SYT6: variants seen among roughly 807,000 people sequenced by gnomAD.
SYT6 encodes synaptotagmin-6.
In SYT6, 24 loss-of-function variants were observed where a neutral mutation model predicts 38.4. That is an observed-to-expected ratio of 0.62 (90% CI 0.45 to 0.88). The LOEUF (loss-of-function observed/expected upper bound fraction) is 0.88, where lower values mean the gene tolerates loss of function less well. Among genes scored for constraint, SYT6 ranks in the 40% least tolerant of loss-of-function variants. The pLI is 0.00. For missense variants in SYT6, 611 were observed against 621.0 expected, an observed-to-expected ratio of 0.98 and a Z score of 0.17; for synonymous variants, 265 against 241.9, an observed-to-expected ratio of 1.10 and a Z score of -0.89.
Position 114,111,351 on chromosome 1 carries a change from G to A in SYT6, c.1072-7630C>T, listed in dbSNP as rs117747274. ...TTTTTACCTGGGGACACTGAAGTAC[G>A]GAGAGGTTATGCAAGTGGCCCAAGG... On this transcript the variant is annotated intron_variant, in intron 3 of 7. Transcript: ENST00000610222. Among the ~76,000 whole-genome samples the A allele has an allele frequency of 9.5e-4, 144 of 152,268 alleles. 2 individuals carry two copies. The East Asian group carries it at 0.017, about 18-fold the overall frequency.
chr1:114,125,882 T>A (rs972419602), intron 3 of SYT6, among the ~76,000 whole-genome samples: 3 of 152,144 alleles, frequency 2.0e-5, no homozygotes, highest in Non-Finnish European at 4.4e-5. Context: ...TCTTAGATCT[T>A]CCTTGCATGG....
At chr1:114,122,611 C>T (rs1466371565) in intron 3 of SYT6, among the ~76,000 whole-genome samples, 2 of 152,194 alleles carry the variant, frequency 1.3e-5, no homozygotes, top group Non-Finnish European at 2.9e-5. Context: ...TTCCCTATCT[C>T]TTGCAGGAGG....
At chr1:114,098,774 G>C (rs1180715661) in intron 5 of SYT6, among the ~76,000 whole-genome samples, 3 of 152,214 alleles carry the variant, frequency 2.0e-5, no homozygotes, top group African/African-American at 7.2e-5. Context: ...AGAGAGGATA[G>C]AGGGGCATTT....
chr1:114,113,288 A>G (rs1219855527), intron 3 of SYT6, among the ~76,000 whole-genome samples: 3 of 152,014 alleles, frequency 2.0e-5, no homozygotes, highest in Admixed American at 1.3e-4. Flanking sequence ...TGCCTTTTTC[A>G]GGTTTCCTGT....
intron 3 of SYT6, among the ~76,000 whole-genome samples, chr1:114,123,388 T>C (rs1677537517): frequency 1.3e-5 from 2 of 152,172 alleles, no homozygotes; most frequent in Non-Finnish European, 2.9e-5. Context: ...GGACTCACCC[T>C]GGGAAAGAGC....
chr1:114,104,346 T>C (rs1676149633), intron 3 of SYT6, among the ~76,000 whole-genome samples: 2 of 152,228 alleles, frequency 1.3e-5, no homozygotes, highest in African/African-American at 4.8e-5. Flanking sequence ...AATGTGGTCA[T>C]CCTTTAAAAA....
intron 5 of SYT6, among the ~76,000 whole-genome samples, chr1:114,098,526 C>T (rs1259582503): frequency 6.6e-6 from 1 of 152,044 alleles, no homozygotes; most frequent in Admixed American, 6.6e-5. Context: ...AGGGGAGATC[C>T]GATTGGATGG....
chr1:114,124,558 C>T (rs1677617094), intron 3 of SYT6, among the ~76,000 whole-genome samples: 1 of 152,224 alleles, frequency 6.6e-6, no homozygotes, highest in African/African-American at 2.4e-5. Flanking sequence ...TCCATCACAA[C>T]AGACCTTCAG....
chr1:114,118,995 G>T (rs1677183920), intron 3 of SYT6, among the ~76,000 whole-genome samples: 2 of 152,314 alleles, frequency 1.3e-5, no homozygotes, highest in African/African-American at 4.8e-5. Context: ...GTTCTGCAGG[G>T]CATCCAGCAA....
At chr1:114,099,362 G>T in intron 4 of SYT6, 97 bp from the exon 5 acceptor site, 1 of 1,277,930 alleles carries the variant, frequency 7.8e-7, no homozygotes, top group Non-Finnish European at 1.1e-6. Context: ...TAGACCTACT[G>T]CTGCTCATCA....
In SYT6 at chr1:114,153,751, C is replaced by G; in HGVS notation, c.22G>C (p.Gly8Arg). The G allele has an allele frequency of 1.5e-6, 1 of 680,494 alleles. No homozygotes were observed. Among genetic ancestry groups the G allele is most frequent in the Non-Finnish European group, 2.7e-6 (1 of 375,506 alleles). 42.2% of individuals were successfully genotyped at this position (680,494 alleles called of 1,614,324 possible). Residue 8 changes from glycine to arginine, a missense_variant, in exon 1 of 8, where the codon GGC (glycine) becomes CGC (arginine). By Grantham distance (125) the Gly-to-Arg change is moderately radical. Transcript: ENST00000610222. Reference protein sequence around the residue: MSGVWGAGGPRCQEALAV... With the variant: MSGVWGARGPRCQEALAV... ...AGCGCCTCCTGGCACCGAGGCCCGCCGGCCCCCCACACTCCGCTCATGCCC... is the reference window on the plus strand; with the variant it reads ...AGCGCCTCCTGGCACCGAGGCCCGCGGGCCCCCCACACTCCGCTCATGCCC...
At chr1:114,132,462 T>C (rs1198304589) in intron 3 of SYT6, among the ~76,000 whole-genome samples, 2 of 152,070 alleles carry the variant, frequency 1.3e-5, no homozygotes, top group African/African-American at 4.8e-5. Context: ...TCCCGGAGAA[T>C]GGGTAGCTCT....
At chr1:114,134,062 C>T (rs924317854) in intron 3 of SYT6, among the ~76,000 whole-genome samples, 1 of 152,218 alleles carries the variant, frequency 6.6e-6, no homozygotes, top group Non-Finnish European at 1.5e-5. Context: ...GCAACACAGG[C>T]AGCATTCACA....
In SYT6 at chr1:114,118,357, C is replaced by T. The variant is rs140553042; in HGVS notation, c.1072-14636G>A. Among the ~76,000 whole-genome samples, 138 of 152,340 alleles carry T rather than the reference C, an allele frequency of 9.1e-4. 2 individuals are homozygous for T. In the South Asian group the frequency reaches 9.7e-3, roughly 11 times the overall value. ...TAGTTATTTCCTCCCTTCCAGGCAC[C>T]AAGTGCAGAGTGGCAGAAACAGAGT... On this transcript the variant is annotated intron_variant, in intron 3 of 7. Coordinates refer to ENST00000610222, the MANE Select transcript of SYT6 (RefSeq NM_001253772.2).
At chr1:114,148,838 A>G (rs1679290059) in intron 1 of SYT6, among the ~76,000 whole-genome samples, 1 of 152,210 alleles carries the variant, frequency 6.6e-6, no homozygotes, top group Admixed American at 6.5e-5. Flanking sequence ...TCAAGGGTAC[A>G]GTGCATTAAG....
Position 114,137,791 on chromosome 1 carries a change from T to C in SYT6, c.775A>G (p.Lys259Glu), listed in dbSNP as rs1678577706. ...GGGTCAGAGCTTCCACAAAAGTCCT[T>C]GGCAGGGAGGTCAAAAGCCTTCAGG... ...RILKAFDLPA[K>E]DFCGSSDPYV... Residue 259 changes from lysine to glutamate, a missense_variant, in exon 3 of 8, where the codon AAG (lysine) becomes GAG (glutamate). By Grantham distance (56) the Lys-to-Glu change is moderately conservative. Transcript: ENST00000610222. 1 of 1,613,848 alleles carries C rather than the reference T, an allele frequency of 6.2e-7. No homozygotes were observed. Among genetic ancestry groups the C allele is most frequent in the Admixed American group, 1.7e-5 (1 of 59,986 alleles).
At chr1:114,134,521 T>C (rs1431437206) in intron 3 of SYT6, among the ~76,000 whole-genome samples, 1 of 152,088 alleles carries the variant, frequency 6.6e-6, no homozygotes, top group African/African-American at 2.4e-5. Context: ...CTTTACAAGA[T>C]AGAATATGAC....
At chr1:114,129,604 CTTTCTTTCTTTCCTTTCTTT>C (rs1483387511) in intron 3 of SYT6, among the ~76,000 whole-genome samples, 4,138 of 93,384 alleles carry the variant, frequency 0.044, 83 homozygotes, top group Middle Eastern at 0.09. Flanking sequence ...TTCTTTCTTT[CTTTCTTTCTTTCCTTTCTTT>C]CTTTCTTTCT....
intron 1 of SYT6, among the ~76,000 whole-genome samples, chr1:114,142,431 A>T (rs11579044): frequency 0.28 from 42,737 of 152,086 alleles, 6,111 homozygotes; most frequent in Middle Eastern, 0.42. Context: ...TGAGTAAATA[A>T]ATTGTGGATG....
Sources: allele counts gnomAD v4.1 joint callset (sites outside exome capture counted in the v4.1 genomes callset), GRCh38; gene constraint gnomAD v4.1.1; transcripts MANE v1.5; gene names NCBI Gene and HGNC (gene_info 2026-07-23, HGNC 2026-07-21).